CEP152: variants seen among roughly 807,000 people sequenced by gnomAD.
The protein encoded by CEP152 is centrosomal protein of 152 kDa.
In CEP152, 132 loss-of-function variants were observed where a neutral mutation model predicts 188.9. The observed-to-expected ratio is 0.70, with a 90% CI of 0.61 to 0.81. The LOEUF (loss-of-function observed/expected upper bound fraction) is 0.81. Ranked by LOEUF, CEP152 falls within the 30% of genes least tolerant of loss-of-function variation. CEP152 has a pLI of 0.00. For missense variants in CEP152, 1,914 were observed against 1,969.8 expected, an observed-to-expected ratio of 0.97 and a Z score of 0.54; for synonymous variants, 649 against 666.6, an observed-to-expected ratio of 0.97 and a Z score of 0.41.
At position 48,769,052 on chromosome 15, in the gene CEP152, C is replaced by G; in HGVS notation, c.1812G>C (p.Lys604Asn). 1 of 1,606,442 alleles carries G rather than the reference C, an allele frequency of 6.2e-7. No homozygotes were observed. The highest frequency in any genetic ancestry group is 8.5e-7 in the Non-Finnish European group (1 of 1,173,738). ...TAGAAGACTCAGGCCATAATTGATT[C>G]TTTGGTTTTTCTGAGGTATCTGTTT... is the stretch of plus-strand genomic sequence containing the variant. ...ETKTDTSEKP[K>N]NQLWPESSTS... Residue 604 changes from lysine to asparagine, a missense_variant, in exon 14 of 27, where the codon AAG (lysine) becomes AAC (asparagine). Physicochemically the swap from Lys to Asn is moderately conservative, Grantham distance 94. Coordinates refer to ENST00000380950, the MANE Select transcript of CEP152 (RefSeq NM_001194998.2).
intron 17 of CEP152, among the ~76,000 whole-genome samples, chr15:48,764,636 C>G (rs756200600): frequency 2.0e-5 from 3 of 152,140 alleles, no homozygotes; most frequent in Non-Finnish European, 4.4e-5. Flanking sequence ...TGATTACTAC[C>G]CAACCTGAAG....
intron 19 of CEP152, 41 bp from the exon 20 acceptor site, chr15:48,756,594 T>A (rs762812925): frequency 6.3e-7 from 1 of 1,584,760 alleles, no homozygotes; most frequent in South Asian, 1.1e-5. Context: ...GTCTTTATGA[T>A]TCTCCTCCTT....
intron 9 of CEP152, among the ~76,000 whole-genome samples, chr15:48,787,279 C>G (rs1413780121): frequency 1.3e-5 from 2 of 149,884 alleles, no homozygotes; most frequent in African/African-American, 2.4e-5. Context: ...GCAATCCTCC[C>G]ACCTCAGCCT....
At chr15:48,763,590 CT>C (rs1384754539) in intron 17 of CEP152, among the ~76,000 whole-genome samples, 1 of 152,086 alleles carries the variant, frequency 6.6e-6, no homozygotes, top group African/African-American at 2.4e-5. Context: ...AGGAGAATCA[CT>C]TGAACTCGGG....
chr15:48,791,200 T>A lies in CEP152; in HGVS notation c.972+37A>T, dbSNP rs1365912550. On this transcript the variant is annotated intron_variant, in intron 8 of 26. Transcript: ENST00000380950. Reference sequence around the variant, plus strand: ...AAAAGTTTTGTTAAATAACTAAACTTTTAATTTTTTTACCATACATAAGTT... The same window carrying A: ...AAAAGTTTTGTTAAATAACTAAACTATTAATTTTTTTACCATACATAAGTT... 6.3e-6 allele frequency: 10 copies of A among 1,579,582 alleles called. No homozygotes were observed. The East Asian group carries it at 2.0e-4, about 32-fold the overall frequency.
At position 48,788,764 on chromosome 15, in the gene CEP152, T is replaced by A. The variant is rs749091121; in HGVS notation, c.1173+37A>T. The A allele has an allele frequency of 7.7e-6, 12 of 1,563,242 alleles. No homozygotes were observed. In the Admixed American group the frequency reaches 2.0e-4, roughly 26 times the overall value. ...AGTTACAAAACATAACCAGCTTTAC[T>A]TGTTGATAACAGTTGCTCATTTGAA... On this transcript the variant is annotated intron_variant, in intron 9 of 26. Coordinates refer to ENST00000380950, the MANE Select transcript of CEP152 (RefSeq NM_001194998.2).
In CEP152 at chr15:48,789,014, C is replaced by G. The variant is rs764894346; in HGVS notation, c.973-13G>C. 2.5e-6 allele frequency: 4 copies of G among 1,607,674 alleles called. No individual in the cohort carries two copies. Among genetic ancestry groups the G allele is most frequent in the Non-Finnish European group, 3.4e-6 (4 of 1,174,172 alleles). Reference sequence around the variant, plus strand: ...ACTTCTTGATCATCTAGTAAATACACACAGGATATCCATGTTTAAAATATA... The same window carrying G: ...ACTTCTTGATCATCTAGTAAATACAGACAGGATATCCATGTTTAAAATATA... On this transcript the variant is annotated splice_polypyrimidine_tract_variant and intron_variant, in intron 8 of 26. Transcript: ENST00000380950.
chr15:48,776,821 G>A (rs988466279), intron 12 of CEP152, among the ~76,000 whole-genome samples: 24 of 152,136 alleles, frequency 1.6e-4, no homozygotes, highest in Admixed American at 1.5e-3. Flanking sequence ...GGGAAGTAAG[G>A]TGAGATTATT....
chr15:48,745,348 A>G (rs1385802955), intron 22 of CEP152, among the ~76,000 whole-genome samples: 4 of 152,158 alleles, frequency 2.6e-5, no homozygotes, highest in African/African-American at 9.7e-5. Context: ...TTATGCTCAT[A>G]TAAACGATCA....
chr15:48,806,799 G>A (rs1330639561), intron 1 of CEP152, among the ~76,000 whole-genome samples: 2 of 152,176 alleles, frequency 1.3e-5, no homozygotes, highest in Admixed American at 1.3e-4. Context: ...CTATGATGCA[G>A]TTCCATTTGT....
At chr15:48,796,660 A>C (rs1192553488) in intron 5 of CEP152, among the ~76,000 whole-genome samples, 1 of 152,170 alleles carries the variant, frequency 6.6e-6, no homozygotes, top group Non-Finnish European at 1.5e-5. Context: ...TTAACAGCCT[A>C]AAAAATCCAT....
At position 48,744,938 on chromosome 15, in the gene CEP152, T is replaced by C. The variant is rs767512061; in HGVS notation, c.3689A>G (p.Asn1230Ser). ...ELIEENNDMK[N>S]KLEELQTLCK... The stretch of plus-strand genomic sequence containing the variant: ...AAGTGTTTGCAATTCTTCCAATTTA[T>C]TCTTCATGTCGTTGTTTTCTTCTAT... The change falls in exon 23 of 27, where the codon AAT becomes AGT. Residue 1230 changes from asparagine to serine, a missense_variant. Asn to Ser is a conservative substitution (Grantham distance 46, BLOSUM62 1). Coordinates refer to ENST00000380950, the MANE Select transcript of CEP152 (RefSeq NM_001194998.2). 6.2e-7 allele frequency: 1 copy of C among 1,611,090 alleles called. No homozygotes were observed. Among genetic ancestry groups the C allele is most frequent in the Admixed American group, 1.7e-5 (1 of 59,878 alleles).
chr15:48,791,187 A>C (rs1299112028), intron 8 of CEP152, 50 bp downstream of exon 8: 1 of 1,547,022 alleles, frequency 6.5e-7, no homozygotes, highest in Non-Finnish European at 8.8e-7. Context: ...AAGTTTTGTT[A>C]AATAACTAAA....
In CEP152 at chr15:48,772,505, T is replaced by C. The variant is rs1895621506; in HGVS notation, c.1764A>G (p.Glu588=). The change falls in exon 13 of 27, where the codon GAA becomes GAG. Residue 588 remains glutamate, a synonymous_variant. Transcript: ENST00000380950. ...IEDLHQVKKD[E]KSIEVETKTD... is the part of the protein sequence containing the mutation. ...TACATACCTCAACCTCAATGCTTTT[T>C]TCATCCTTCTTCACTTGGTGGAGAT... The C allele has an allele frequency of 5.0e-6, 8 of 1,613,114 alleles. No individual in the cohort carries two copies. The highest frequency in any genetic ancestry group is 5.9e-6 in the Non-Finnish European group (7 of 1,179,974).
intron 18 of CEP152, among the ~76,000 whole-genome samples, chr15:48,760,727 C>A (rs777125126): frequency 1.3e-5 from 2 of 151,772 alleles, no homozygotes; most frequent in African/African-American, 4.8e-5. Context: ...TTCCTACTGT[C>A]GAGAATGAGT....
intron 2 of CEP152, among the ~76,000 whole-genome samples, chr15:48,730,003 C>T (rs573701896): frequency 6.6e-6 from 1 of 151,508 alleles, no homozygotes; most frequent in East Asian, 1.9e-4. Context: ...CGGCCCCCCC[C>T]AAAAAAAATT....
At chr15:48,733,284 T>G (rs969581370), downstream of CEP152, among the ~76,000 whole-genome samples, 13 of 152,106 alleles carry the variant, frequency 8.5e-5, no homozygotes, top group African/African-American at 3.1e-4. Context: ...TCATTACACA[T>G]TGCATGCATG....
In CEP152 at chr15:48,762,397, G is replaced by A; in HGVS notation, c.2556C>T (p.Thr852=). The stretch of plus-strand genomic sequence containing the variant: ...GAATAAATCTGCCTTTTACCTGTTT[G>A]GTAATATTTTCACAATGTTTGAGTT... The part of the protein sequence containing the change: ...ELELKHCENI[T]KQVEIAVQNA... Residue 852 remains threonine, a synonymous_variant, in exon 18 of 27, where the codon ACC becomes ACT. Transcript: ENST00000380950. The A allele has an allele frequency of 6.2e-7, 1 of 1,613,766 alleles. No individual in the cohort carries two copies. Among genetic ancestry groups the A allele is most frequent in the Non-Finnish European group, 8.5e-7 (1 of 1,179,770 alleles).
chr15:48,733,310 A>ACC (rs1892488953), downstream of CEP152, among the ~76,000 whole-genome samples: 1 of 152,152 alleles, frequency 6.6e-6, no homozygotes, highest in Non-Finnish European at 1.5e-5. Context: ...AAATATGTCT[A>ACC]TCCCCAAAAT....
Sources: gnomAD v4.1 joint callset for allele counts (sites outside exome capture counted in the v4.1 genomes callset) on GRCh38, gnomAD v4.1.1 for gene constraint, MANE v1.5 for transcripts, NCBI Gene and HGNC (gene_info 2026-07-23, HGNC 2026-07-21) for gene names.